Variants in PRDM6 observed in about 807,000 individuals in gnomAD.
The protein encoded by PRDM6 is putative histone-lysine N-methyltransferase PRDM6.
PRDM6 carries 25 observed loss-of-function variants against 60.8 expected under a neutral mutation model. The ratio of observed to expected loss-of-function variants is 0.41; its 90% CI spans 0.30 to 0.57. The LOEUF (loss-of-function observed/expected upper bound fraction) is 0.57. Ranked by LOEUF, PRDM6 falls within the 20% of genes least tolerant of loss-of-function variation. The pLI, the probability that PRDM6 is intolerant of heterozygous loss-of-function variation, is 0.27. For synonymous variants in PRDM6, 407 were observed against 357.4 expected (o/e 1.14, Z -1.57); for missense variants, 839 against 821.3 (o/e 1.02, Z -0.26).
At chr5:123,137,039 A>AAATAGG (rs1457301965) in intron 3 of PRDM6, among the ~76,000 whole-genome samples, 1 of 152,214 alleles carries the variant, frequency 6.6e-6, no homozygotes, top group East Asian at 1.9e-4. Context: ...CCTATATGTG[A>AAATAGG]AATAGGTTAA....
chr5:123,137,542 A>G (rs968664527), intron 3 of PRDM6, among the ~76,000 whole-genome samples: 3 of 152,210 alleles, frequency 2.0e-5, no homozygotes, highest in Non-Finnish European at 4.4e-5. Flanking sequence ...ACACAAGAAC[A>G]GAAAACCAAC....
chr5:123,107,546 C>G (rs1407838485), intron 3 of PRDM6, among the ~76,000 whole-genome samples: 1 of 152,186 alleles, frequency 6.6e-6, no homozygotes, highest in Non-Finnish European at 1.5e-5. Context: ...TGAAAGCTAG[C>G]CATGTGGTTT....
In PRDM6 at chr5:123,193,841, G is replaced by A. The variant is rs1158144034; in HGVS notation, c.*6640G>A. ...TTTAGGACTGTAAATGTTCCCTACT[G>A]GAATAGAAATATGTCTCTCTCCAAC... On this transcript the variant is annotated 3_prime_UTR_variant, in exon 8 of 8. Coordinates refer to ENST00000407847, the MANE Select transcript of PRDM6 (RefSeq NM_001136239.4). 1 of 152,126 alleles carries A rather than the reference G, an allele frequency of 6.6e-6. No homozygotes were observed. The highest frequency in any genetic ancestry group is 1.5e-5 in the Non-Finnish European group (1 of 68,016). The allele number at this position is 152,126 out of a possible 1,614,324, so 9.4% of individuals were successfully genotyped here. A position where few individuals can be genotyped will look rare whatever the true frequency, so the allele number is the denominator to read the frequency against.
intron 3 of PRDM6, among the ~76,000 whole-genome samples, chr5:123,129,647 A>G (rs1374089088): frequency 1.3e-5 from 2 of 152,330 alleles, no homozygotes; most frequent in Admixed American, 6.5e-5. Flanking sequence ...TGGGGTATTT[A>G]TTAAACCTGT....
intron 3 of PRDM6, among the ~76,000 whole-genome samples, chr5:123,130,623 G>A (rs1764810859): frequency 6.6e-6 from 1 of 150,396 alleles, no homozygotes; most frequent in Admixed American, 6.6e-5. Flanking sequence ...GGAGTGCAAT[G>A]GTGCAATCTT....
chr5:123,091,338 G>T (rs1347382033), intron 2 of PRDM6, among the ~76,000 whole-genome samples: 1 of 152,204 alleles, frequency 6.6e-6, no homozygotes, highest in Non-Finnish European at 1.5e-5. Context: ...CTTTGACCCC[G>T]CAAACATTCA....
At chr5:123,160,421 T>C (rs667824) in intron 5 of PRDM6, among the ~76,000 whole-genome samples, 4 of 152,266 alleles carry the variant, frequency 2.6e-5, no homozygotes, top group East Asian at 1.9e-4. Flanking sequence ...TTCAGTGATA[T>C]TGTGTTTTCT....
At chr5:123,093,502 T>A (rs1432205567) in intron 2 of PRDM6, among the ~76,000 whole-genome samples, 1 of 152,208 alleles carries the variant, frequency 6.6e-6, no homozygotes. Flanking sequence ...TTTTCCAGTA[T>A]GTTCCTAACT....
chr5:123,099,631 T>TTCCTCCTTCTTGTC lies in PRDM6; in HGVS notation c.593-19_593-6dup, dbSNP rs1764050212. The TTCCTCCTTCTTGTC allele has an allele frequency of 6.9e-7, 1 of 1,442,424 alleles. No homozygotes were observed. The highest frequency in any genetic ancestry group is 2.6e-5 in the Admixed American group (1 of 37,754). The allele number at this position is 1,442,424 out of a possible 1,614,324, so 89.4% of individuals were successfully genotyped here. On this transcript the variant is annotated intron_variant, in intron 2 of 7. Coordinates refer to ENST00000407847, the MANE Select transcript of PRDM6 (RefSeq NM_001136239.4). This position sits in a 1 kb window ranked among gnomAD's most constrained non-coding sequence, Gnocchi z 4.0. ...GGCCGGATTAACCCGCTCCCTTCCC[T>TTCCTCCTTCTTGTC]TCCTCCTTCTTGTCTCCCGCAGGTT...
chr5:123,160,358 G>A (rs1031813324), intron 5 of PRDM6, among the ~76,000 whole-genome samples: 5 of 152,116 alleles, frequency 3.3e-5, no homozygotes, highest in Non-Finnish European at 7.4e-5. Flanking sequence ...AAGTGATTTC[G>A]TATTTGGAAC....
chr5:123,153,200 CAAA>C (rs3036136), intron 3 of PRDM6, among the ~76,000 whole-genome samples: 233 of 122,430 alleles, frequency 1.9e-3, no homozygotes, highest in Non-Finnish European at 2.2e-3. Context: ...AACTGAACTA[CAAA>C]AAAAAAAAAA....
intron 3 of PRDM6, among the ~76,000 whole-genome samples, chr5:123,129,920 T>C (rs184988884): frequency 6.6e-5 from 10 of 152,296 alleles, no homozygotes; most frequent in African/African-American, 4.8e-5. Flanking sequence ...TCTGCACTGA[T>C]TGGCAGCTTG....
At chr5:123,167,581 G>T (rs898497623) in intron 5 of PRDM6, among the ~76,000 whole-genome samples, 1 of 151,944 alleles carries the variant, frequency 6.6e-6, no homozygotes, top group Admixed American at 6.6e-5. Flanking sequence ...TAGAGACAGG[G>T]TTTCTCCATG....
chr5:123,189,089 A>G lies in PRDM6; in HGVS notation c.*1888A>G, dbSNP rs1000128069. Reference sequence around the variant, plus strand: ...TAAGGAATCTATGCTGCTGTATAACAGTAGCTGATTGAAACTATTCTCTCT... The same window carrying G: ...TAAGGAATCTATGCTGCTGTATAACGGTAGCTGATTGAAACTATTCTCTCT... On this transcript the variant is annotated 3_prime_UTR_variant, in exon 8 of 8. Coordinates refer to ENST00000407847, the MANE Select transcript of PRDM6 (RefSeq NM_001136239.4). 2 of 151,952 alleles carry G rather than the reference A, an allele frequency of 1.3e-5. No homozygotes were observed. Among genetic ancestry groups the G allele is most frequent in the East Asian group, 1.9e-4 (1 of 5,196 alleles). The allele number at this position is 151,952 out of a possible 1,614,324, so 9.4% of individuals were successfully genotyped here.
chr5:123,132,720 G>A (rs6876476), intron 3 of PRDM6, among the ~76,000 whole-genome samples: 3,589 of 137,730 alleles, frequency 0.026, 71 homozygotes, highest in Non-Finnish European at 0.045. Context: ...GTATATGCAG[G>A]TCAATATCGC....
chr5:123,169,860 G>A (rs1359203311), intron 5 of PRDM6, among the ~76,000 whole-genome samples: 1 of 152,170 alleles, frequency 6.6e-6, no homozygotes, highest in Non-Finnish European at 1.5e-5. Flanking sequence ...AGACCACTTA[G>A]CTAATAAGAG....
In PRDM6 at chr5:123,102,168, T is replaced by C. The variant is rs185613796; in HGVS notation, c.900+2207T>C. ...ATTTTAAAACTTTAGCCATACAAAATGTGTCAGTCTCCTGGGAGATCACGT... is the reference window on the plus strand; with the variant it reads ...ATTTTAAAACTTTAGCCATACAAAACGTGTCAGTCTCCTGGGAGATCACGT... On this transcript the variant is annotated intron_variant, in intron 3 of 7. Coordinates refer to ENST00000407847, the MANE Select transcript of PRDM6 (RefSeq NM_001136239.4). Among the ~76,000 whole-genome samples, 11 of 152,308 alleles carry C rather than the reference T, an allele frequency of 7.2e-5. No homozygotes were observed. The East Asian group carries it at 2.1e-3, about 29-fold the overall frequency.
intron 3 of PRDM6, among the ~76,000 whole-genome samples, chr5:123,141,233 T>C (rs1765091621): frequency 6.6e-6 from 1 of 151,952 alleles, no homozygotes; most frequent in Non-Finnish European, 1.5e-5. Flanking sequence ...AAAAGAAATA[T>C]GATGTGCTGC....
rs373570577 is a variant in PRDM6, at chr5:123,117,355, C to T, written c.900+17394C>T. 1.5e-3 allele frequency among the ~76,000 whole-genome samples: 234 copies of T among 152,266 alleles called. 1 individual carries two copies. Among genetic ancestry groups the T allele is most frequent in the South Asian group, 4.1e-3 (20 of 4,822 alleles). On this transcript the variant is annotated intron_variant, in intron 3 of 7. Transcript: ENST00000407847. ...GCTTATGGCTAAAGTAGTCACAACT[C>T]GGATTGTCCTGCCCTAGAAGGCAGT... is the stretch of plus-strand genomic sequence containing the variant.
Sources: allele counts gnomAD v4.1 joint callset (sites outside exome capture counted in the v4.1 genomes callset), GRCh38; gene constraint gnomAD v4.1.1; non-coding constraint Gnocchi (gnomAD v3.1); transcripts MANE v1.5; gene names NCBI Gene and HGNC (gene_info 2026-07-23, HGNC 2026-07-21).